The following TMEM132B variants were observed in gnomAD, a reference collection of about 807,000 sequenced individuals.
TMEM132B encodes the protein transmembrane protein 132B.
In TMEM132B, 18 loss-of-function variants were observed where a neutral mutation model predicts 90.8. The ratio of observed to expected loss-of-function variants is 0.20; its 90% CI spans 0.14 to 0.29. TMEM132B has a LOEUF of 0.29. Ranked by LOEUF, TMEM132B falls within the 10% of genes least tolerant of loss-of-function variation. The pLI is 1.00. For synonymous variants in TMEM132B, 504 were observed against 523.3 expected (o/e 0.96, Z 0.50); for missense variants, 1,096 against 1,326.8 (o/e 0.83, Z 2.70).
chr12:125,393,914 A>G (rs997608145), intron 2 of TMEM132B, among the ~76,000 whole-genome samples: 2 of 152,214 alleles, frequency 1.3e-5, no homozygotes, highest in African/African-American at 2.4e-5. Context: ...TGTCTCTCCT[A>G]TTGGTTGAAC....
At chr12:125,378,445 G>A (rs1352590454) in intron 2 of TMEM132B, among the ~76,000 whole-genome samples, 3 of 152,214 alleles carry the variant, frequency 2.0e-5, no homozygotes, top group African/African-American at 7.2e-5. Context: ...GTAGTCAAGG[G>A]TGGAGGTAGC....
chr12:125,304,357 T>A (rs1483201595), intron 1 of TMEM132B, among the ~76,000 whole-genome samples: 1 of 152,236 alleles, frequency 6.6e-6, no homozygotes, highest in Non-Finnish European at 1.5e-5. Flanking sequence ...ACAAAAATTT[T>A]ATTTTTAAGA....
chr12:125,428,934 C>T (rs540723598), intron 3 of TMEM132B, among the ~76,000 whole-genome samples: 1 of 152,146 alleles, frequency 6.6e-6, no homozygotes, highest in Non-Finnish European at 1.5e-5. Context: ...GCGGTCTTCA[C>T]CCCTGAAGAT....
intron 1 of TMEM132B, among the ~76,000 whole-genome samples, chr12:125,256,647 G>A (rs7488948): frequency 0.17 from 25,392 of 152,244 alleles, 2,532 homozygotes; most frequent in Admixed American, 0.3. Flanking sequence ...TTTCATTAGA[G>A]GGTTCCTCTG....
At chr12:125,570,778 A>T (rs1031051458) in intron 4 of TMEM132B, among the ~76,000 whole-genome samples, 2 of 152,142 alleles carry the variant, frequency 1.3e-5, no homozygotes, top group African/African-American at 4.8e-5. Context: ...CTGCCTTGCG[A>T]TTTTAAAAAT....
At chr12:125,508,276 A>C (rs1882895618) in intron 3 of TMEM132B, among the ~76,000 whole-genome samples, 1 of 152,164 alleles carries the variant, frequency 6.6e-6, no homozygotes, top group South Asian at 2.1e-4. Flanking sequence ...CTTCTGATCT[A>C]GTGTTCTGCA....
chr12:125,411,622 G>A (rs1417524084), intron 2 of TMEM132B, among the ~76,000 whole-genome samples: 1 of 152,154 alleles, frequency 6.6e-6, no homozygotes, highest in Non-Finnish European at 1.5e-5. Flanking sequence ...GTAAATGGAT[G>A]GCTGCTAGGA....
At chr12:125,618,223 G>A (rs1886036529) in intron 5 of TMEM132B, among the ~76,000 whole-genome samples, 1 of 152,130 alleles carries the variant, frequency 6.6e-6, no homozygotes, top group Non-Finnish European at 1.5e-5. Context: ...TGGAACTTAT[G>A]GCCTATGAGT....
intron 4 of TMEM132B, among the ~76,000 whole-genome samples, chr12:125,581,748 A>C (rs1306724706): frequency 6.6e-6 from 1 of 151,956 alleles, no homozygotes; most frequent in Admixed American, 6.6e-5. Flanking sequence ...ATTGAGTTGA[A>C]CTTAGCAGTT....
At chr12:125,560,922 T>C (rs191859157) in intron 4 of TMEM132B, among the ~76,000 whole-genome samples, 75 of 141,246 alleles carry the variant, frequency 5.3e-4, no homozygotes, top group Non-Finnish European at 1.0e-3. Context: ...GCACTGTTGG[T>C]GAGAGTGTAG....
intron 3 of TMEM132B, among the ~76,000 whole-genome samples, chr12:125,446,037 T>A (rs1170271982): frequency 6.6e-6 from 1 of 152,212 alleles, no homozygotes; most frequent in East Asian, 1.9e-4. Context: ...CTTGGGGAGG[T>A]CTCTCCAGGC....
At chr12:125,497,920 C>T (rs1882600330) in intron 3 of TMEM132B, among the ~76,000 whole-genome samples, 1 of 152,138 alleles carries the variant, frequency 6.6e-6, no homozygotes, top group African/African-American at 2.4e-5. Flanking sequence ...GAACAGGAGA[C>T]CCGTTTACAT....
intron 2 of TMEM132B, among the ~76,000 whole-genome samples, chr12:125,359,670 C>G (rs1402207878): frequency 6.6e-6 from 1 of 152,120 alleles, no homozygotes; most frequent in Non-Finnish European, 1.5e-5. Flanking sequence ...AAAGCGAAAA[C>G]TTGTAAGAAA....
chr12:125,647,247 A>T (rs1314572083), intron 6 of TMEM132B, among the ~76,000 whole-genome samples: 1 of 152,226 alleles, frequency 6.6e-6, no homozygotes, highest in African/African-American at 2.4e-5. Context: ...GATTCCCGTA[A>T]TTAGAATCCG....
chr12:125,240,121 C>T (rs1486306129), intron 1 of TMEM132B, among the ~76,000 whole-genome samples: 1 of 152,178 alleles, frequency 6.6e-6, no homozygotes, highest in African/African-American at 2.4e-5. Flanking sequence ...TTCCTTCCAC[C>T]TTCTGGTGAT....
At chr12:125,515,436 TAC>T (rs1309265017) in intron 3 of TMEM132B, among the ~76,000 whole-genome samples, 1 of 124,488 alleles carries the variant, frequency 8.0e-6, no homozygotes, top group African/African-American at 3.4e-5. Context: ...CTCTCACACA[TAC>T]ACACATTCAC....
chr12:125,634,082 A>C (rs1279669147), intron 5 of TMEM132B, among the ~76,000 whole-genome samples: 1 of 152,154 alleles, frequency 6.6e-6, no homozygotes, highest in East Asian at 1.9e-4. Flanking sequence ...TAGATTCAAA[A>C]ACCTTGGAAG....
intron 5 of TMEM132B, among the ~76,000 whole-genome samples, chr12:125,609,751 A>G (rs1476732428): frequency 1.6e-5 from 2 of 126,878 alleles, no homozygotes; most frequent in African/African-American, 3.0e-5. Context: ...TGGGAGGCGG[A>G]GGTTGCAGTG....
At chr12:125,526,505 G>A (rs1883467190) in intron 4 of TMEM132B, among the ~76,000 whole-genome samples, 1 of 152,222 alleles carries the variant, frequency 6.6e-6, no homozygotes, top group Non-Finnish European at 1.5e-5. Flanking sequence ...CATGGACTGG[G>A]CAGTTGAAGC....
Sources: gnomAD v4.1 joint callset for allele counts (sites outside exome capture counted in the v4.1 genomes callset) on GRCh38, gnomAD v4.1.1 for gene constraint, MANE v1.5 for transcripts, NCBI Gene and HGNC (gene_info 2026-07-23, HGNC 2026-07-21) for gene names.